The following ACSS1 variants were observed in gnomAD, a reference collection of about 807,000 sequenced individuals.
The protein encoded by ACSS1 is acyl-CoA synthetase short chain family member 1, also known as acetyl-coenzyme A synthetase 2-like, mitochondrial.
A neutral mutation model predicts 75.3 loss-of-function variants in ACSS1; 42 were observed. The ratio of observed to expected loss-of-function variants is 0.56; its 90% CI spans 0.44 to 0.72. The LOEUF is 0.72. ACSS1 is among the 30% of genes least tolerant of loss of function. The pLI, the probability that ACSS1 is intolerant of heterozygous loss-of-function variation, is 0.00. For missense variants in ACSS1, 782 were observed against 935.7 expected (o/e 0.84, Z 2.14); for synonymous variants, 380 against 376.8 (o/e 1.01, Z -0.10).
rs1040152849 is a variant in ACSS1, at chr20:25,029,519, A to C, written c.631+1240T>G. ...TGAGTCAGCAAGCCCACTCATAGGT[A>C]TATACCCCCAAAATTAAAAACAGGT... On this transcript the variant is annotated intron_variant, in intron 3 of 13. Transcript: ENST00000323482. Among the ~76,000 whole-genome samples, 5 of 152,252 alleles carry C rather than the reference A, an allele frequency of 3.3e-5. No individual in the cohort carries two copies. In the South Asian group the frequency reaches 8.3e-4, roughly 25 times the overall value.
At position 25,006,589 on chromosome 20, in the gene ACSS1, G is replaced by C; in HGVS notation, c.*1173C>G. 8.8e-6 allele frequency: 4 copies of C among 454,268 alleles called. No homozygotes were observed. The highest frequency in any genetic ancestry group is 1.6e-5 in the Non-Finnish European group (4 of 249,916). The allele number at this position is 454,268 out of a possible 1,614,324, so 28.1% of individuals were successfully genotyped here. On this transcript the variant is annotated 3_prime_UTR_variant, in exon 14 of 14. Coordinates refer to ENST00000323482, the MANE Select transcript of ACSS1 (RefSeq NM_032501.4). ...TGAAGGGTAGACTGTGGGGCAAAGAGGACAAACTCTCCCTCCCCTAAGGGA... is the reference window on the plus strand; with the variant it reads ...TGAAGGGTAGACTGTGGGGCAAAGACGACAAACTCTCCCTCCCCTAAGGGA...
At chr20:25,055,411 C>T (rs186959988) in intron 1 of ACSS1, among the ~76,000 whole-genome samples, 20 of 152,330 alleles carry the variant, frequency 1.3e-4, no homozygotes, top group Admixed American at 1.0e-3. Context: ...AGCCACGAAA[C>T]TGTGTTGCGC....
At chr20:25,056,886 C>A (rs1490820752) in intron 1 of ACSS1, among the ~76,000 whole-genome samples, 1 of 152,084 alleles carries the variant, frequency 6.6e-6, no homozygotes, top group Non-Finnish European at 1.5e-5. Context: ...GCCCACCTCG[C>A]ACTTGGCACC....
At chr20:25,018,656 A>G (rs1436606555) in intron 7 of ACSS1, among the ~76,000 whole-genome samples, 1 of 152,212 alleles carries the variant, frequency 6.6e-6, no homozygotes, top group Non-Finnish European at 1.5e-5. Flanking sequence ...AATGTGAAAC[A>G]ACATCTGCTG....
At chr20:25,039,974 T>C (rs2088974415) in intron 2 of ACSS1, among the ~76,000 whole-genome samples, 3 of 152,240 alleles carry the variant, frequency 2.0e-5, no homozygotes. Flanking sequence ...ACTGGGGGAC[T>C]GGAGTCCTGG....
At chr20:25,036,376 G>A (rs1268100257) in intron 2 of ACSS1, among the ~76,000 whole-genome samples, 1 of 152,212 alleles carries the variant, frequency 6.6e-6, no homozygotes, top group Non-Finnish European at 1.5e-5. Flanking sequence ...CTGACTGCAA[G>A]TAATTGTGAC....
At chr20:25,013,844 A>T in intron 9 of ACSS1, 117 bp downstream of exon 9, 1 of 1,341,242 alleles carries the variant, frequency 7.5e-7, no homozygotes, top group Non-Finnish European at 1.0e-6. Context: ...GAACGCTGCA[A>T]GGTCAGCAGC....
At position 25,058,065 on chromosome 20, in the gene ACSS1, A is replaced by G; in HGVS notation, c.38T>C (p.Leu13Pro). Residue 13 changes from leucine (L) to proline (P), a missense_variant, in exon 1 of 14, where the codon CTG becomes CCG. Transcript: ENST00000323482. Reference protein sequence around the residue: ...ARTLGRGVGRLLGSLRGLSGQ... With the variant: ...ARTLGRGVGRPLGSLRGLSGQ... ...CGAGAGCCCTCGCAGGCTGCCCAGC[A>G]GCCTCCCGACGCCGCGGCCCAGGGT... 1 of 1,280,904 alleles carries G rather than the reference A, an allele frequency of 7.8e-7. No homozygotes were observed. Among genetic ancestry groups the G allele is most frequent in the African/African-American group, 1.6e-5 (1 of 64,372 alleles). The allele number at this position is 1,280,904 out of a possible 1,614,324, so 79.3% of individuals were successfully genotyped here. A position where few individuals can be genotyped will look rare whatever the true frequency, so the allele number is the denominator to read the frequency against.
At chr20:25,018,186 A>G (rs973989362) in intron 7 of ACSS1, among the ~76,000 whole-genome samples, 5 of 152,176 alleles carry the variant, frequency 3.3e-5, no homozygotes, top group African/African-American at 1.2e-4. Flanking sequence ...CACCCTCATG[A>G]GTGGGATTGG....
chr20:25,038,567 C>CTTA (rs2088952585), intron 2 of ACSS1, among the ~76,000 whole-genome samples: 1 of 152,172 alleles, frequency 6.6e-6, no homozygotes, highest in African/African-American at 2.4e-5. Context: ...GTGCAAAATG[C>CTTA]TGGTTTGCCT....
chr20:25,024,408 C>G (rs2088679173), intron 3 of ACSS1, among the ~76,000 whole-genome samples: 1 of 152,220 alleles, frequency 6.6e-6, no homozygotes, highest in Admixed American at 6.5e-5. Flanking sequence ...CCAGAGGGAT[C>G]ACAGCTGCGG....
At chr20:25,021,236 C>G (rs1670268477) in intron 6 of ACSS1, among the ~76,000 whole-genome samples, 153 bp downstream of exon 6, 1 of 152,250 alleles carries the variant, frequency 6.6e-6, no homozygotes, top group African/African-American at 2.4e-5. Flanking sequence ...TGGGGCCTGG[C>G]CCCACCGGGC....
chr20:25,043,105 C>A (rs1288521022), intron 2 of ACSS1, among the ~76,000 whole-genome samples: 2 of 152,136 alleles, frequency 1.3e-5, no homozygotes, highest in Non-Finnish European at 2.9e-5. Context: ...GCACAGCCTC[C>A]CGCCTCCACC....
At chr20:25,055,534 CCAGTGGTT>C (rs1351431449) in intron 1 of ACSS1, among the ~76,000 whole-genome samples, 2 of 152,206 alleles carry the variant, frequency 1.3e-5, no homozygotes, top group East Asian at 3.8e-4. Context: ...GGCGTACAGG[CCAGTGGTT>C]CTCAAGCCCG....
rs1208231201 is a variant in ACSS1 at position 25,023,094 on chromosome 20, T to C, written c.808-2A>G. The C allele has an allele frequency of 1.2e-6, 2 of 1,610,252 alleles. No individual in the cohort carries two copies. The highest frequency in any genetic ancestry group is 1.1e-5 in the South Asian group (1 of 90,772). On this transcript the variant is annotated splice_acceptor_variant, in intron 4 of 13. Transcript: ENST00000323482. LOFTEE classifies it high-confidence loss of function. ...AACAGGGTCCTCCTTGGCCATTTCC[T>C]GGCAGGGAGAAGAAACAAACAGCCC...
At chr20:25,031,085 C>A in intron 2 of ACSS1, 127 bp from the exon 3 acceptor site, 1 of 921,040 alleles carries the variant, frequency 1.1e-6, no homozygotes, top group South Asian at 1.4e-5. Context: ...AAAACAGGCA[C>A]TTGAATACTT....
In ACSS1 at chr20:25,006,474, T is replaced by C. The variant is rs2122561930; in HGVS notation, c.*1288A>G. 4.7e-6 allele frequency: 1 copy of C among 212,936 alleles called. No individual in the cohort carries two copies. 13.2% of individuals were successfully genotyped at this position (212,936 alleles called of 1,614,324 possible). A position where few individuals can be genotyped will look rare whatever the true frequency, so the allele number is the denominator to read the frequency against. Reference sequence around the variant, plus strand: ...AACACCACCTCCTGGGCTTCACAGGTTCACTCACCCAAGAGGCCAGCACAA... The same window carrying C: ...AACACCACCTCCTGGGCTTCACAGGCTCACTCACCCAAGAGGCCAGCACAA... On this transcript the variant is annotated 3_prime_UTR_variant, in exon 14 of 14. Coordinates refer to ENST00000323482, the MANE Select transcript of ACSS1 (RefSeq NM_032501.4).
At chr20:25,018,721 T>C (rs1162542985) in intron 7 of ACSS1, among the ~76,000 whole-genome samples, 3 of 152,222 alleles carry the variant, frequency 2.0e-5, no homozygotes, top group African/African-American at 7.2e-5. Context: ...TTTGCTCTTA[T>C]TAATAGTATT....
intron 5 of ACSS1, among the ~76,000 whole-genome samples, chr20:25,022,247 G>A (rs2088636430): frequency 6.6e-6 from 1 of 152,082 alleles, no homozygotes; most frequent in Non-Finnish European, 1.5e-5. Context: ...TGTAATCCCA[G>A]CTACTCAGAA....
Sources: gnomAD v4.1 joint callset for allele counts (sites outside exome capture counted in the v4.1 genomes callset) on GRCh38, gnomAD v4.1.1 for gene constraint, MANE v1.5 for transcripts, NCBI Gene and HGNC (gene_info 2026-07-23, HGNC 2026-07-21) for gene names.